The following KLHL25 variants were observed in gnomAD, a reference collection of about 807,000 sequenced individuals.
KLHL25 encodes the protein kelch-like protein 25.
In KLHL25, 41 loss-of-function variants were observed where a neutral mutation model predicts 30.0. The ratio of observed to expected loss-of-function variants is 1.37; its 90% CI spans 1.07 to 1.78. The LOEUF (loss-of-function observed/expected upper bound fraction) is 1.78, where lower values mean the gene tolerates loss of function less well. KLHL25 is among the 40% of genes most tolerant of loss of function. The probability of loss-of-function intolerance (pLI) is 0.00; values close to 1 mark genes in which losing one functional copy is unlikely to be tolerated. For synonymous variants in KLHL25, 399 were observed against 355.3 expected (o/e 1.12, Z -1.38); for missense variants, 971 against 824.5 (o/e 1.18, Z -2.18).
intron 1 of KLHL25, among the ~76,000 whole-genome samples, chr15:85,786,928 G>C (rs61503446): frequency 0.01 from 1,588 of 152,248 alleles, 33 homozygotes; most frequent in African/African-American, 0.034. Context: ...GGCAGGGGCG[G>C]GCAGGGATTA....
Position 85,768,364 on chromosome 15 carries a change from G to A in KLHL25, c.1447C>T (p.Arg483Trp), listed in dbSNP as rs767183098. 2.0e-5 allele frequency: 32 copies of A among 1,613,604 alleles called. No homozygotes were observed. The highest frequency in any genetic ancestry group is 1.7e-4 in the African/African-American group (13 of 74,926). The change falls in exon 2 of 3, where the codon CGG (arginine) becomes TGG (tryptophan). Residue 483 changes from arginine to tryptophan, a missense_variant. Arg to Trp is a moderately radical substitution (Grantham distance 101). Transcript: ENST00000337975. ...TIKAECPQPWRYTAAAVLGSQ... is the reference protein window; with the variant it reads ...TIKAECPQPWWYTAAAVLGSQ... ...CCCAGGACGGCAGCGGCTGTGTACC[G>A]CCAAGGCTGGGGGCACTCGGCCTTG...
Position 85,765,621 on chromosome 15 carries a change from CAAA to C in KLHL25, c.*24+2393_*24+2395del, listed in dbSNP as rs200486890. ...AGCCTGGGGGAGAACGAGACTGTCT[CAAA>C]AAAAAAAAAAAGAAGAAGAAGAAGA... On this transcript the variant is annotated intron_variant, in intron 2 of 2. Transcript: ENST00000337975. 1.2e-4 allele frequency among the ~76,000 whole-genome samples: 9 copies of C among 75,518 alleles called. No homozygotes were observed. In the East Asian group the frequency reaches 3.2e-3, roughly 27 times the overall value. 49.5% of individuals were successfully genotyped at this position (75,518 alleles called of 152,430 possible). A position where few individuals can be genotyped will look rare whatever the true frequency, so the allele number is the denominator to read the frequency against.
intron 1 of KLHL25, chr15:85,770,861 T>G (rs1472720815): frequency 8.9e-6 from 3 of 337,514 alleles, no homozygotes. Flanking sequence ...GGTTCACTAC[T>G]TGCTCAATCT....
intron 1 of KLHL25, among the ~76,000 whole-genome samples, chr15:85,783,436 A>G (rs2089758296): frequency 6.6e-6 from 1 of 151,958 alleles, no homozygotes; most frequent in Non-Finnish European, 1.5e-5. Flanking sequence ...TCATGCCTAT[A>G]ATCACAGCAC....
chr15:85,769,007 C>T lies in KLHL25; in HGVS notation c.804G>A (p.Glu268=). The part of the protein sequence containing the change: ...ADERTKLIMD[E]ALRCKTRILQ... ...GGATCCTGGTCTTGCAGCGCAGGGC[C>T]TCATCCATGATAAGCTTGGTGCGCT... The change falls in exon 2 of 3, where the codon GAG becomes GAA. Residue 268 remains glutamate (E), a synonymous_variant. Coordinates refer to ENST00000337975, the MANE Select transcript of KLHL25 (RefSeq NM_022480.4). 1.2e-6 allele frequency: 2 copies of T among 1,611,596 alleles called. No individual in the cohort carries two copies. Among genetic ancestry groups the T allele is most frequent in the South Asian group, 1.1e-5 (1 of 91,066 alleles).
In KLHL25 at chr15:85,768,600, G is replaced by A. The variant is rs375633805; in HGVS notation, c.1211C>T (p.Pro404Leu). 41 of 1,610,566 alleles carry A rather than the reference G, an allele frequency of 2.5e-5. No homozygotes were observed. The highest frequency in any genetic ancestry group is 1.3e-4 in the African/African-American group (10 of 74,890). The change falls in exon 2 of 3, where the codon CCG (proline) becomes CTG (leucine). Residue 404 changes from proline to leucine, a missense_variant. By Grantham distance (98) the Pro-to-Leu change is moderately conservative. Coordinates refer to ENST00000337975, the MANE Select transcript of KLHL25 (RefSeq NM_022480.4). ...TTTCAGGGAGACAGAAGGCGAGGCC[G>A]GGAAGACCCCTGCCAGGGATGTGTG... ...GGHTSLAGVF[P>L]ASPSVSLKQV...
chr15:85,767,016 G>A (rs1427192277), intron 2 of KLHL25, among the ~76,000 whole-genome samples: 2 of 140,742 alleles, frequency 1.4e-5, no homozygotes, highest in African/African-American at 2.6e-5. Flanking sequence ...TTTTTGAGAC[G>A]GAGTCTCACT....
intron 2 of KLHL25, among the ~76,000 whole-genome samples, chr15:85,766,933 G>A (rs1358086612): frequency 6.6e-6 from 1 of 151,952 alleles, no homozygotes; most frequent in Admixed American, 6.6e-5. Context: ...GGTGTTTACA[G>A]TTAACAGTTT....
rs145406511 is a variant in KLHL25, at chr15:85,789,817, C to T, written c.-11+4949G>A. Among the ~76,000 whole-genome samples the T allele has an allele frequency of 3.7e-3, 558 of 152,316 alleles. 3 individuals carry two copies. Among genetic ancestry groups the T allele is most frequent in the Non-Finnish European group, 5.9e-3 (402 of 68,032 alleles). On this transcript the variant is annotated intron_variant, in intron 1 of 2. Coordinates refer to ENST00000337975, the MANE Select transcript of KLHL25 (RefSeq NM_022480.4). This position sits in a 1 kb window ranked among gnomAD's most constrained non-coding sequence, Gnocchi z 4.1. Reference sequence around the variant, plus strand: ...AGCCCAGCCTGGTGCTCCCCTGATGCAGTCTTCTGTCTCCACCAGCCCCTT... The same window carrying T: ...AGCCCAGCCTGGTGCTCCCCTGATGTAGTCTTCTGTCTCCACCAGCCCCTT...
chr15:85,785,336 G>A (rs1017863410), intron 1 of KLHL25, among the ~76,000 whole-genome samples: 2 of 152,104 alleles, frequency 1.3e-5, no homozygotes, highest in African/African-American at 2.4e-5. Context: ...CTCGTGATCT[G>A]CCTGCCTCAG....
intron 1 of KLHL25, among the ~76,000 whole-genome samples, chr15:85,775,359 T>G (rs980606156): frequency 6.6e-6 from 1 of 152,054 alleles, no homozygotes; most frequent in Non-Finnish European, 1.5e-5. Flanking sequence ...CTGCATGAGG[T>G]TGGGTGCCCT....
chr15:85,776,369 G>A (rs1234224659), intron 1 of KLHL25, among the ~76,000 whole-genome samples: 1 of 151,550 alleles, frequency 6.6e-6, no homozygotes, highest in Non-Finnish European at 1.5e-5. Context: ...CGCACCTGTA[G>A]TCCCAGCTAC....
intron 1 of KLHL25, among the ~76,000 whole-genome samples, chr15:85,777,997 C>T (rs2089720487): frequency 6.6e-6 from 1 of 152,236 alleles, no homozygotes; most frequent in Admixed American, 6.5e-5. Context: ...CTGTCTTAAT[C>T]AGGACGGATG....
At position 85,768,029 on chromosome 15, in the gene KLHL25, AGCAGGTGCTCCTCACGCGG is replaced by A; in HGVS notation, c.1763_*11del. 1 of 1,603,206 alleles carries A rather than the reference AGCAGGTGCTCCTCACGCGG, an allele frequency of 6.2e-7. No individual in the cohort carries two copies. Among genetic ancestry groups the A allele is most frequent in the Non-Finnish European group, 8.5e-7 (1 of 1,172,250 alleles). ...GCCAGGGACTCACCTGGCTGGGCTC[AGCAGGTGCTCCTCACGCGG>A]GCAGGTGCTTCCAGGTGCTGACAAA... On this transcript the variant is annotated stop_lost and 3_prime_UTR_variant, in exon 2 of 3. Coordinates refer to ENST00000337975, the MANE Select transcript of KLHL25 (RefSeq NM_022480.4).
At position 85,765,391 on chromosome 15, in the gene KLHL25, C is replaced by T. The variant is rs539199057; in HGVS notation, c.*24+2626G>A. Among the ~76,000 whole-genome samples, 21 of 151,938 alleles carry T rather than the reference C, an allele frequency of 1.4e-4. No individual in the cohort carries two copies. In the South Asian group the frequency reaches 1.5e-3, roughly 11 times the overall value. On this transcript the variant is annotated intron_variant, in intron 2 of 2. Coordinates refer to ENST00000337975, the MANE Select transcript of KLHL25 (RefSeq NM_022480.4). ...CTGTAATCCCAGCACTTTGGAAGGCCGAGGCGGGTGGATCACCTGAGGTCT... is the reference window on the plus strand; with the variant it reads ...CTGTAATCCCAGCACTTTGGAAGGCTGAGGCGGGTGGATCACCTGAGGTCT...
intron 1 of KLHL25, among the ~76,000 whole-genome samples, chr15:85,779,047 T>G (rs1240376128): frequency 7.2e-6 from 1 of 139,544 alleles, no homozygotes; most frequent in Non-Finnish European, 1.5e-5. Flanking sequence ...CACCAACAAT[T>G]TTTTTTTTTT....
At chr15:85,780,340 G>A (rs558031052) in intron 1 of KLHL25, among the ~76,000 whole-genome samples, 3 of 152,242 alleles carry the variant, frequency 2.0e-5, no homozygotes, top group Non-Finnish European at 4.4e-5. Flanking sequence ...GCCAGAGACA[G>A]AAACAAAGAG....
chr15:85,769,932 A>C, intron 1 of KLHL25, 112 bp from the exon 2 acceptor site: 1 of 892,818 alleles, frequency 1.1e-6, no homozygotes, highest in South Asian at 1.7e-5. Context: ...CTCTCTGCTC[A>C]CCTCTGCTAA....
chr15:85,768,692 G>A lies in KLHL25; in HGVS notation c.1119C>T (p.Pro373=). 1 of 1,613,442 alleles carries A rather than the reference G, an allele frequency of 6.2e-7. No homozygotes were observed. Among genetic ancestry groups the A allele is most frequent in the African/African-American group, 1.3e-5 (1 of 75,060 alleles). The change falls in exon 2 of 3, where the codon CCC becomes CCT. Residue 373 remains proline, a synonymous_variant. Transcript: ENST00000337975. ...CATGGCCAAAGCGGGCAATCAGCAT[G>A]GGCGCCGCCTTGGACCATTCCTCAT... ...TVHEEWSKAA[P]MLIARFGHGS... is the part of the protein sequence containing the mutation.
Sources: allele counts gnomAD v4.1 joint callset (sites outside exome capture counted in the v4.1 genomes callset), GRCh38; gene constraint gnomAD v4.1.1; non-coding constraint Gnocchi (gnomAD v3.1); transcripts MANE v1.5; gene names NCBI Gene and HGNC (gene_info 2026-07-23, HGNC 2026-07-21).